POLR1D: variants seen among roughly 807,000 people sequenced by gnomAD.
POLR1D encodes DNA-directed RNA polymerases I and III subunit RPAC2.
In POLR1D, 8 loss-of-function variants were observed where a neutral mutation model predicts 10.8. The observed-to-expected ratio is 0.74, with a 90% CI of 0.43 to 1.33. The LOEUF (loss-of-function observed/expected upper bound fraction) is 1.33. Among genes scored for constraint, POLR1D ranks in the 40% most tolerant of loss-of-function variants. The probability of loss-of-function intolerance (pLI) is 0.01; values close to 1 mark genes in which losing one functional copy is unlikely to be tolerated. For synonymous variants in POLR1D, 54 were observed against 57.2 expected, an observed-to-expected ratio of 0.94 and a Z score of 0.25; for missense variants, 152 against 161.7, an observed-to-expected ratio of 0.94 and a Z score of 0.32.
chr13:27,622,945 G>T lies in POLR1D; in HGVS notation c.97G>T (p.Ala33Ser). Reference sequence around the variant, plus strand: ...GACAGCCCTGGAAATGGTCCAGGCAGCTGGAACAGATAGACACTGTGTGAC... The same window carrying T: ...GACAGCCCTGGAAATGGTCCAGGCATCTGGAACAGATAGACACTGTGTGAC... Reference protein sequence around the residue: ...RKTALEMVQAAGTDRHCVTFV... With the variant: ...RKTALEMVQASGTDRHCVTFV... Residue 33 changes from alanine (A) to serine (S), a missense_variant, in exon 2 of 2, where the codon GCT becomes TCT. Coordinates refer to ENST00000302979, the MANE Select transcript of POLR1D (RefSeq NM_015972.4). The T allele has an allele frequency of 6.2e-7, 1 of 1,612,856 alleles. No homozygotes were observed. Among genetic ancestry groups the T allele is most frequent in the Non-Finnish European group, 8.5e-7 (1 of 1,178,812 alleles).
At chr13:27,627,250 A>G (rs1956020601), downstream of POLR1D, among the ~76,000 whole-genome samples, 2 of 150,218 alleles carry the variant, frequency 1.3e-5, no homozygotes, top group African/African-American at 4.9e-5. Flanking sequence ...TGCTTTATAA[A>G]CTATCCTGGT....
chr13:27,645,547 G>A (rs1163409556), intron 1 of POLR1D, among the ~76,000 whole-genome samples: 1 of 152,082 alleles, frequency 6.6e-6, no homozygotes, highest in Non-Finnish European at 1.5e-5. Flanking sequence ...ATAGTACTTG[G>A]TATACTTAAA....
downstream of POLR1D, among the ~76,000 whole-genome samples, chr13:27,624,997 G>T: frequency 6.6e-6 from 1 of 152,208 alleles, no homozygotes; most frequent in South Asian, 2.1e-4. Context: ...GTTAGGAAAG[G>T]TGTTCTAGAG....
chr13:27,628,548 T>C (rs1441420525), intron 1 of POLR1D, among the ~76,000 whole-genome samples: 1 of 152,194 alleles, frequency 6.6e-6, no homozygotes, highest in Non-Finnish European at 1.5e-5. Context: ...AGCCCAGAAT[T>C]TTTTTAAAAA....
At position 27,623,221 on chromosome 13, in the gene POLR1D, A is replaced by C. The variant is rs932486325; in HGVS notation, c.373A>C (p.Lys125Gln). The C allele has an allele frequency of 1.2e-6, 2 of 1,613,990 alleles. No homozygotes were observed. Among genetic ancestry groups the C allele is most frequent in the Admixed American group, 3.3e-5 (2 of 60,008 alleles). ...EASIKDYKDQKASRNESTF is the reference protein window; with the variant it reads ...EASIKDYKDQQASRNESTF ...CAGCATAAAGGACTATAAGGATCAAAAAGCAAGCAGAAATGAATCCACATT... is the reference window on the plus strand; with the variant it reads ...CAGCATAAAGGACTATAAGGATCAACAAGCAAGCAGAAATGAATCCACATT... The change falls in exon 2 of 2, where the codon AAA becomes CAA. Residue 125 changes from lysine to glutamine, a missense_variant. Physicochemically the swap from Lys to Gln is moderately conservative, Grantham distance 53. Transcript: ENST00000302979.
At chr13:27,657,037 C>T (rs1956314203) in intron 2 of POLR1D, among the ~76,000 whole-genome samples, 2 of 152,056 alleles carry the variant, frequency 1.3e-5, no homozygotes, top group Non-Finnish European at 2.9e-5. Flanking sequence ...CCATGGGACC[C>T]CGTAACGCAT....
intron 1 of POLR1D, among the ~76,000 whole-genome samples, chr13:27,641,208 A>G (rs1956170440): frequency 6.6e-6 from 1 of 152,256 alleles, no homozygotes; most frequent in Non-Finnish European, 1.5e-5. Flanking sequence ...GTGAAATATC[A>G]AATGCCTAAA....
chr13:27,633,376 T>C (rs1428311595), intron 1 of POLR1D, among the ~76,000 whole-genome samples: 3 of 152,222 alleles, frequency 2.0e-5, no homozygotes, highest in Non-Finnish European at 4.4e-5. Context: ...ATATACCTAC[T>C]GTGTGATTTT....
At chr13:27,666,276 G>A in exon 3 of POLR1D, 1 of 263,192 alleles carries the variant, frequency 3.8e-6, no homozygotes, top group Non-Finnish European at 7.2e-6. Flanking sequence ...TGTTAAAACT[G>A]GTTCCAATTT....
At chr13:27,631,842 G>T (rs1207895787) in intron 1 of POLR1D, among the ~76,000 whole-genome samples, 2 of 152,172 alleles carry the variant, frequency 1.3e-5, no homozygotes, top group African/African-American at 2.4e-5. Context: ...ACAACAGGAA[G>T]AAGGACTGAT....
rs200129280 is a variant in POLR1D, at chr13:27,639,293, CCTAA to C, written c.27-9081_27-9078del. Among the ~76,000 whole-genome samples the C allele has an allele frequency of 9.1e-3, 1,383 of 152,162 alleles. 12 individuals carry two copies. The highest frequency in any genetic ancestry group is 0.011 in the Non-Finnish European group (756 of 67,986). ...TTATATTCTCTGTGTGGATTTTTCC[CCTAA>C]CTAATATTTCAGAAGAGCATAGACT... is the stretch of plus-strand genomic sequence containing the variant. On this transcript the variant is annotated intron_variant, in intron 1 of 2. Coordinates refer to the POLR1D transcript ENST00000399697.
chr13:27,635,809 G>A (rs1028238429), intron 1 of POLR1D, among the ~76,000 whole-genome samples: 17 of 149,914 alleles, frequency 1.1e-4, no homozygotes, highest in South Asian at 6.3e-4. Context: ...CATTTTAATC[G>A]CATAGCTTTG....
At position 27,622,038 on chromosome 13, in the gene POLR1D, C is replaced by G. The variant is rs765066005; in HGVS notation, c.26+29C>G. The G allele has an allele frequency of 3.7e-5, 58 of 1,564,344 alleles. No homozygotes were observed. The African/African-American group carries it at 7.1e-4, about 19-fold the overall frequency. On this transcript the variant is annotated intron_variant, in intron 1 of 1. Coordinates refer to ENST00000302979, the MANE Select transcript of POLR1D (RefSeq NM_015972.4). ...ACGGCCGAGGAGGAGGCGGGCGGAG[C>G]GGGCCGCGCCCAAGGGGAGCGGGTG...
Position 27,659,717 on chromosome 13 carries a change from G to A in POLR1D, c.102-5969G>A, listed in dbSNP as rs77953968. Among the ~76,000 whole-genome samples the A allele has an allele frequency of 1.6e-3, 238 of 152,218 alleles. 1 individual carries two copies. Among genetic ancestry groups the A allele is most frequent in the African/African-American group, 5.5e-3 (227 of 41,524 alleles). ...GTAAATGATTTGCGTTGCTGAGGGAGCTGGAGGCCGAGGATTATAGCCTTG... is the reference window on the plus strand; with the variant it reads ...GTAAATGATTTGCGTTGCTGAGGGAACTGGAGGCCGAGGATTATAGCCTTG... On this transcript the variant is annotated intron_variant, in intron 2 of 2. Coordinates refer to the POLR1D transcript ENST00000399697.
intron 2 of POLR1D, among the ~76,000 whole-genome samples, chr13:27,658,297 C>T (rs1205694197): frequency 2.0e-5 from 3 of 152,196 alleles, no homozygotes; most frequent in Non-Finnish European, 4.4e-5. Flanking sequence ...CTGCAGAATC[C>T]AGAACAATCC....
At chr13:27,655,165 T>C (rs188482476) in intron 2 of POLR1D, among the ~76,000 whole-genome samples, 271 of 152,310 alleles carry the variant, frequency 1.8e-3, no homozygotes, top group African/African-American at 6.0e-3. Context: ...CAATTCCTTA[T>C]ACAGTCAATA....
intron 1 of POLR1D, among the ~76,000 whole-genome samples, chr13:27,633,669 C>T (rs867430796): frequency 6.6e-6 from 1 of 152,196 alleles, no homozygotes; most frequent in Non-Finnish European, 1.5e-5. Context: ...CCCTTGGGTC[C>T]TCATGAGCAT....
intron 1 of POLR1D, among the ~76,000 whole-genome samples, chr13:27,640,235 T>G (rs372883813): frequency 2.0e-5 from 3 of 152,172 alleles, no homozygotes; most frequent in East Asian, 3.8e-4. Context: ...CAGCCCTATA[T>G]ATCACAAATA....
chr13:27,629,848 GTAGCCAGGGCTC>G (rs1214390257), intron 1 of POLR1D, among the ~76,000 whole-genome samples: 1 of 152,194 alleles, frequency 6.6e-6, no homozygotes, highest in Non-Finnish European at 1.5e-5. Flanking sequence ...CTATTGGTAG[GTAGCCAGGGCTC>G]AATCTAGGTC....
Sources: allele counts gnomAD v4.1 joint callset (sites outside exome capture counted in the v4.1 genomes callset), GRCh38; gene constraint gnomAD v4.1.1; transcripts MANE v1.5; gene names NCBI Gene and HGNC (gene_info 2026-07-23, HGNC 2026-07-21).